Variants in OTOGL observed in about 807,000 individuals in gnomAD.
OTOGL encodes otogelin-like protein.
OTOGL carries 285 observed loss-of-function variants against 318.5 expected under a neutral mutation model. That is an observed-to-expected ratio of 0.89 (90% CI 0.81 to 0.99). The LOEUF is 0.99. Among genes scored for constraint, OTOGL ranks in the 50% least tolerant of loss-of-function variants. The pLI is 0.00. For missense variants in OTOGL, 2,899 were observed against 2,845.6 expected (o/e 1.02, Z -0.43); for synonymous variants, 987 against 936.5 (o/e 1.05, Z -0.99).
At chr12:80,285,033 C>A (rs1029689916) in intron 26 of OTOGL, among the ~76,000 whole-genome samples, 1 of 151,944 alleles carries the variant, frequency 6.6e-6, no homozygotes, top group Admixed American at 6.6e-5. Flanking sequence ...AGTCTTTAAT[C>A]CATCTTGAAT....
At chr12:80,269,272 T>C (rs868002023) in intron 22 of OTOGL, among the ~76,000 whole-genome samples, 6 of 152,346 alleles carry the variant, frequency 3.9e-5, no homozygotes, top group Middle Eastern at 3.4e-3. Context: ...ATTGGAGTTA[T>C]TGAGAACTAA....
intron 17 of OTOGL, 144 bp downstream of exon 17, chr12:80,256,604 C>T: frequency 7.9e-7 from 1 of 1,257,872 alleles, no homozygotes; most frequent in Non-Finnish European, 1.1e-6. Flanking sequence ...GTCATCAGGC[C>T]ATCAGCTACA....
At chr12:80,214,021 A>G (rs1877490470) in intron 4 of OTOGL, among the ~76,000 whole-genome samples, 1 of 152,202 alleles carries the variant, frequency 6.6e-6, no homozygotes, top group African/African-American at 2.4e-5. Context: ...TGCTGCAGTG[A>G]TTTCCCATCT....
intron 37 of OTOGL, among the ~76,000 whole-genome samples, chr12:80,332,112 AG>A (rs1486189374): frequency 6.6e-6 from 1 of 152,168 alleles, no homozygotes; most frequent in Non-Finnish European, 1.5e-5. Flanking sequence ...GCTTGATTTT[AG>A]GGCTTCTTTT....
At chr12:80,136,453 T>C (rs1259629802) in intron 1 of OTOGL, among the ~76,000 whole-genome samples, 2 of 152,208 alleles carry the variant, frequency 1.3e-5, no homozygotes, top group African/African-American at 4.8e-5. Context: ...CCTCATAGAA[T>C]TTACTGTCCA....
rs757555432 is a variant in OTOGL at position 80,257,905 on chromosome 12, G to T, written c.1792G>T (p.Asp598Tyr). The part of the protein sequence containing the change: ...TFGLKILFAI[D>Y]GERIYIQLTS... ...TGGTTTAAAGATTCTGTTTGCTATA[G>T]ATGGGGAAAGAATTTATATTCAGCT... Residue 598 changes from aspartate (D) to tyrosine (Y), a missense_variant, in exon 18 of 59, where the codon GAT (aspartate) becomes TAT (tyrosine). By Grantham distance (160) the Asp-to-Tyr change is radical. Transcript: ENST00000547103. 5 of 1,597,566 alleles carry T rather than the reference G, an allele frequency of 3.1e-6. No individual in the cohort carries two copies. Among genetic ancestry groups the T allele is most frequent in the Non-Finnish European group, 4.2e-6 (5 of 1,178,682 alleles).
At chr12:80,220,991 C>CA (rs1878267162) in intron 6 of OTOGL, among the ~76,000 whole-genome samples, 2 of 152,130 alleles carry the variant, frequency 1.3e-5, no homozygotes, top group Middle Eastern at 3.4e-3. Context: ...GTGGGAATCA[C>CA]AAAAATACAA....
intron 44 of OTOGL, among the ~76,000 whole-genome samples, chr12:80,347,895 G>A (rs2137978517): frequency 6.6e-6 from 1 of 152,174 alleles, no homozygotes; most frequent in Non-Finnish European, 1.5e-5. Flanking sequence ...TTTTTCATAT[G>A]TTTGTTGGCC....
At chr12:80,123,611 C>G (rs376525174) in intron 1 of OTOGL, among the ~76,000 whole-genome samples, 1 of 151,972 alleles carries the variant, frequency 6.6e-6, no homozygotes, top group Admixed American at 6.6e-5. Context: ...AGGAATCGCC[C>G]CACTGACTTC....
intron 44 of OTOGL, among the ~76,000 whole-genome samples, chr12:80,347,269 G>A (rs567783601): frequency 1.7e-3 from 255 of 152,074 alleles, no homozygotes; most frequent in Non-Finnish European, 2.5e-3. Flanking sequence ...TCTACATTGG[G>A]TATTTCTCCT....
intron 1 of OTOGL, among the ~76,000 whole-genome samples, chr12:80,108,398 T>C (rs1226579298): frequency 6.6e-6 from 1 of 152,078 alleles, no homozygotes; most frequent in Non-Finnish European, 1.5e-5. Flanking sequence ...TTTTTTATTT[T>C]TAAACACAAA....
intron 24 of OTOGL, 112 bp downstream of exon 24, chr12:80,271,922 A>G: frequency 8.0e-7 from 1 of 1,252,262 alleles, no homozygotes; most frequent in African/African-American, 1.5e-5. Context: ...CTAGTGGTTA[A>G]CTGGGTTGGT....
In OTOGL at chr12:80,243,986, C is replaced by A. The variant is rs1436013728; in HGVS notation, c.1052+4547C>A. 4.6e-5 allele frequency among the ~76,000 whole-genome samples: 7 copies of A among 150,648 alleles called. No homozygotes were observed. The East Asian group carries it at 1.4e-3, about 29-fold the overall frequency. On this transcript the variant is annotated intron_variant, in intron 11 of 58. Coordinates refer to ENST00000547103, the MANE Select transcript of OTOGL (RefSeq NM_001378609.3). ...ACATTCCACCAGTACAAACTAGGCG[C>A]AGAAATCCTCCCTTCTTCATCATGG...
intron 19 of OTOGL, among the ~76,000 whole-genome samples, chr12:80,263,786 G>T (rs1022882515): frequency 6.6e-6 from 1 of 151,834 alleles, no homozygotes; most frequent in African/African-American, 2.4e-5. Context: ...AGATTCTAAA[G>T]GATTTTTTTT....
intron 1 of OTOGL, among the ~76,000 whole-genome samples, chr12:80,162,085 A>G (rs1176984096): frequency 6.6e-6 from 1 of 152,198 alleles, no homozygotes. Flanking sequence ...ATACACAGTT[A>G]TGAAAAGAAA....
chr12:80,194,218 A>G (rs1465764660), intron 1 of OTOGL, among the ~76,000 whole-genome samples: 1 of 152,242 alleles, frequency 6.6e-6, no homozygotes, highest in East Asian at 1.9e-4. Flanking sequence ...GAAATATGAA[A>G]CAGTTGGAAT....
chr12:80,342,264 A>G (rs1888829128), intron 44 of OTOGL, 102 bp downstream of exon 44: 4 of 870,246 alleles, frequency 4.6e-6, no homozygotes, highest in African/African-American at 1.7e-5. Flanking sequence ...TACTGAGAAC[A>G]AAACCCCCAA....
intron 1 of OTOGL, among the ~76,000 whole-genome samples, chr12:80,152,920 G>T (rs762890604): frequency 6.6e-6 from 1 of 152,128 alleles, no homozygotes; most frequent in African/African-American, 2.4e-5. Flanking sequence ...TGCCAATTTC[G>T]TAACCTCAGG....
chr12:80,369,268 C>T (rs866326720), intron 55 of OTOGL, among the ~76,000 whole-genome samples: 23 of 152,012 alleles, frequency 1.5e-4, no homozygotes, highest in African/African-American at 5.1e-4. Flanking sequence ...TATCTAAGAG[C>T]GTGTAATGTA....
Sources: gnomAD v4.1 joint callset for allele counts (sites outside exome capture counted in the v4.1 genomes callset) on GRCh38, gnomAD v4.1.1 for gene constraint, MANE v1.5 for transcripts, NCBI Gene and HGNC (gene_info 2026-07-23, HGNC 2026-07-21) for gene names.